THAP4: variants seen among roughly 807,000 people sequenced by gnomAD.
THAP4 encodes peroxynitrite isomerase THAP4.
Under a neutral mutation model 48.1 loss-of-function variants are expected in THAP4, and 18 were observed. The ratio of observed to expected loss-of-function variants is 0.37; its 90% CI spans 0.26 to 0.56. The LOEUF (loss-of-function observed/expected upper bound fraction) is 0.56. THAP4 is among the 20% of genes least tolerant of loss of function. The pLI is 0.78. For synonymous variants in THAP4, 345 were observed against 324.9 expected (o/e 1.06, Z -0.66); for missense variants, 656 against 774.9 (o/e 0.85, Z 1.82).
At chr2:241,608,210 C>T (rs969435414) in intron 2 of THAP4, among the ~76,000 whole-genome samples, 2 of 152,136 alleles carry the variant, frequency 1.3e-5, no homozygotes, top group Non-Finnish European at 2.9e-5. Context: ...GCACATGTGG[C>T]CTGGCCCAGT....
At chr2:241,587,262 A>G (rs1338304380) in intron 5 of THAP4, among the ~76,000 whole-genome samples, 1 of 152,196 alleles carries the variant, frequency 6.6e-6, no homozygotes, top group Non-Finnish European at 1.5e-5. Context: ...AAAAACAAAG[A>G]TAAGGCGAAT....
At chr2:241,617,328 C>A in intron 2 of THAP4, 4 of 1,042,674 alleles carry the variant, frequency 3.8e-6, no homozygotes, top group South Asian at 1.4e-5. Context: ...AAATCTCAAC[C>A]AAAACACAAA....
chr2:241,596,839 C>CT (rs2067055115), intron 5 of THAP4, among the ~76,000 whole-genome samples: 1 of 149,160 alleles, frequency 6.7e-6, no homozygotes, highest in African/African-American at 2.5e-5. Context: ...GTCCACCTGT[C>CT]TGGGGCAGGC....
chr2:241,623,639 A>G (rs773435801), intron 2 of THAP4, among the ~76,000 whole-genome samples: 7 of 152,196 alleles, frequency 4.6e-5, no homozygotes, highest in Non-Finnish European at 7.4e-5. Context: ...TCATTTAAAA[A>G]AAAAAGAAGG....
chr2:241,623,593 G>GAA (rs11387542), intron 2 of THAP4, among the ~76,000 whole-genome samples: 4 of 135,256 alleles, frequency 3.0e-5, no homozygotes, highest in Middle Eastern at 3.4e-3. Flanking sequence ...AAGAAAAAAG[G>GAA]AAAAAAAAAA....
At chr2:241,631,878 G>T (rs553475994) in intron 2 of THAP4, among the ~76,000 whole-genome samples, 1 of 151,722 alleles carries the variant, frequency 6.6e-6, no homozygotes, top group Admixed American at 6.6e-5. Context: ...TTGCAACAGA[G>T]AATGTATTGT....
intron 5 of THAP4, among the ~76,000 whole-genome samples, chr2:241,588,270 A>G (rs1379014076): frequency 6.6e-6 from 1 of 152,234 alleles, no homozygotes; most frequent in Non-Finnish European, 1.5e-5. Flanking sequence ...GTTGAAAACT[A>G]CAAGAAAATA....
chr2:241,603,786 T>A (rs1226003761), intron 3 of THAP4, among the ~76,000 whole-genome samples: 1 of 152,142 alleles, frequency 6.6e-6, no homozygotes, highest in Admixed American at 6.5e-5. Context: ...TTATCACCCT[T>A]CATCATTAGT....
chr2:241,593,286 A>C (rs2125069750), intron 5 of THAP4, among the ~76,000 whole-genome samples: 1 of 152,316 alleles, frequency 6.6e-6, no homozygotes, highest in South Asian at 2.1e-4. Flanking sequence ...AATTAAAAAA[A>C]ACGGTAAAAT....
intron 2 of THAP4, chr2:241,617,461 T>G: frequency 6.4e-7 from 1 of 1,550,932 alleles, no homozygotes; most frequent in Middle Eastern, 1.7e-4. Flanking sequence ...TTCCTCAAGG[T>G]TGTTTTCTGC....
intron 2 of THAP4, among the ~76,000 whole-genome samples, chr2:241,618,815 C>T (rs774383175): frequency 6.6e-6 from 1 of 151,198 alleles, no homozygotes; most frequent in African/African-American, 2.4e-5. Flanking sequence ...GTTCTCCCCA[C>T]GAAAAGCCAA....
rs2067249098 is a variant in THAP4, at chr2:241,610,231, A to T, written c.1241-3758T>A. 6.6e-6 allele frequency among the ~76,000 whole-genome samples: 1 copy of T among 152,154 alleles called. No homozygotes were observed. The highest frequency in any genetic ancestry group is 2.1e-4 in the South Asian group (1 of 4,832). ...GCTAGGGTGAGGGGCACGCGCCGCA[A>T]GTCCTGCCTCTGCTCCCGGGCGGCC... On this transcript the variant is annotated intron_variant, in intron 2 of 5. Transcript: ENST00000407315. This position sits in a 1 kb window ranked among gnomAD's most constrained non-coding sequence, Gnocchi z 4.2.
chr2:241,588,159 T>G (rs2066915560), intron 5 of THAP4, among the ~76,000 whole-genome samples: 1 of 152,002 alleles, frequency 6.6e-6, no homozygotes, highest in African/African-American at 2.4e-5. Flanking sequence ...TTCTATATAC[T>G]TGCAACAAAT....
intron 5 of THAP4, among the ~76,000 whole-genome samples, chr2:241,598,924 GAA>G (rs34049233): frequency 1.0e-4 from 15 of 146,294 alleles, no homozygotes; most frequent in South Asian, 4.3e-4. Context: ...ACCTGCACTG[GAA>G]AAAAAAAAAA....
chr2:241,601,452 G>A lies in THAP4; in HGVS notation c.1614+444C>T, dbSNP rs569843385. On this transcript the variant is annotated intron_variant, in intron 5 of 5. Coordinates refer to ENST00000407315, the MANE Select transcript of THAP4 (RefSeq NM_015963.6). This position sits in a 1 kb window ranked among gnomAD's most constrained non-coding sequence, Gnocchi z 4.0. ...TCAGATTTGAAAGGACCGAAATTCT[G>A]AAAATACACCATGTTGTTAAGGAGT... Among the ~76,000 whole-genome samples the A allele has an allele frequency of 6.6e-6, 1 of 152,262 alleles. No homozygotes were observed. Among genetic ancestry groups the A allele is most frequent in the East Asian group, 1.9e-4 (1 of 5,182 alleles).
intron 3 of THAP4, among the ~76,000 whole-genome samples, chr2:241,604,995 C>T (rs762842039): frequency 6.6e-6 from 1 of 152,198 alleles, no homozygotes; most frequent in Non-Finnish European, 1.5e-5. Flanking sequence ...ATCACATTTA[C>T]TGAAATATAT....
At chr2:241,590,953 T>C (rs36192231) in intron 5 of THAP4, among the ~76,000 whole-genome samples, 381 of 47,408 alleles carry the variant, frequency 8.0e-3, no homozygotes, top group Middle Eastern at 0.017. Flanking sequence ...ACAGAGCTGC[T>C]CGGCTGACGA....
chr2:241,620,181 C>G (rs1445060355), intron 2 of THAP4, among the ~76,000 whole-genome samples: 2 of 11,390 alleles, frequency 1.8e-4, no homozygotes, highest in Non-Finnish European at 1.4e-4. Context: ...GTGAGTGAGT[C>G]GGTGAGTGAG....
intron 3 of THAP4, 61 bp from the exon 4 acceptor site, chr2:241,603,140 G>T: frequency 7.3e-7 from 1 of 1,374,128 alleles, no homozygotes; most frequent in Non-Finnish European, 1.0e-6. Flanking sequence ...CGTGGGCTGC[G>T]TGGATGCCAG....
Sources: allele counts gnomAD v4.1 joint callset (sites outside exome capture counted in the v4.1 genomes callset), GRCh38; gene constraint gnomAD v4.1.1; non-coding constraint Gnocchi (gnomAD v3.1); transcripts MANE v1.5; gene names NCBI Gene and HGNC (gene_info 2026-07-23, HGNC 2026-07-21).